Variants in NELL1 observed in about 807,000 individuals in gnomAD.
NELL1 encodes protein kinase C-binding protein NELL1.
A neutral mutation model predicts 107.4 loss-of-function variants in NELL1; 76 were observed. The ratio of observed to expected loss-of-function variants is 0.71; its 90% confidence interval spans 0.59 to 0.86. NELL1 has a LOEUF of 0.86. Among genes scored for constraint, NELL1 ranks in the 40% least tolerant of loss-of-function variants. The pLI, the probability that NELL1 is intolerant of heterozygous loss-of-function variation, is 0.00. For missense variants in NELL1, 1,024 were observed against 1,005.5 expected, an observed-to-expected ratio of 1.02 and a Z score of -0.25; for synonymous variants, 353 against 341.2, an observed-to-expected ratio of 1.03 and a Z score of -0.38.
At chr11:21,103,657 G>T (rs530646638) in intron 12 of NELL1, among the ~76,000 whole-genome samples, 1 of 152,246 alleles carries the variant, frequency 6.6e-6, no homozygotes, top group African/African-American at 2.4e-5. Flanking sequence ...AGCTTTGCTG[G>T]TAGTATTGCA....
intron 3 of NELL1, among the ~76,000 whole-genome samples, chr11:20,803,142 TTA>T (rs1293434312): frequency 6.6e-6 from 1 of 152,144 alleles, no homozygotes; most frequent in Non-Finnish European, 1.5e-5. Flanking sequence ...AGGATTGGTA[TTA>T]GTTTTTTTTA....
intron 15 of NELL1, among the ~76,000 whole-genome samples, chr11:21,392,458 T>A (rs1851900330): frequency 6.6e-6 from 1 of 151,808 alleles, no homozygotes; most frequent in Non-Finnish European, 1.5e-5. Flanking sequence ...AAAATTATGT[T>A]ACTTTTATCA....
chr11:21,427,146 C>A (rs760044733), intron 15 of NELL1, among the ~76,000 whole-genome samples: 1 of 152,130 alleles, frequency 6.6e-6, no homozygotes, highest in South Asian at 2.1e-4. Flanking sequence ...AGCTGTTAGG[C>A]ATCTCTGCAT....
chr11:20,892,945 AAAC>A (rs1360215668), intron 5 of NELL1, among the ~76,000 whole-genome samples: 6 of 152,004 alleles, frequency 3.9e-5, no homozygotes, highest in African/African-American at 1.5e-4. Context: ...AAAAAAAAAA[AAAC>A]AGACACATGT....
At chr11:21,408,007 T>G (rs550644943) in intron 15 of NELL1, among the ~76,000 whole-genome samples, 1 of 152,062 alleles carries the variant, frequency 6.6e-6, no homozygotes, top group South Asian at 2.1e-4. Flanking sequence ...AGAGCTTCCC[T>G]TTCTTTTATT....
intron 13 of NELL1, among the ~76,000 whole-genome samples, chr11:21,219,525 T>C (rs4923440): frequency 0.57 from 86,288 of 151,992 alleles, 24,580 homozygotes; most frequent in East Asian, 0.61. Flanking sequence ...CCTGTACTTT[T>C]GAAGTCTTAC....
At chr11:21,410,247 G>T (rs72964015) in intron 15 of NELL1, among the ~76,000 whole-genome samples, 26,137 of 152,010 alleles carry the variant, frequency 0.17, 2,806 homozygotes, top group East Asian at 0.27. Context: ...AATGTCTACA[G>T]TGCATCAAGT....
chr11:21,553,052 G>A (rs1356860599), intron 16 of NELL1, among the ~76,000 whole-genome samples: 2 of 151,852 alleles, frequency 1.3e-5, no homozygotes, highest in Admixed American at 1.3e-4. Flanking sequence ...TATTGACAAT[G>A]TTTTTAGACC....
At chr11:21,182,963 G>A (rs1273172908) in intron 13 of NELL1, among the ~76,000 whole-genome samples, 1 of 151,816 alleles carries the variant, frequency 6.6e-6, no homozygotes, top group African/African-American at 2.4e-5. Flanking sequence ...CAAACAAGAA[G>A]GATGAAGTCC....
intron 12 of NELL1, among the ~76,000 whole-genome samples, chr11:20,977,699 G>A (rs560475691): frequency 6.6e-6 from 1 of 152,218 alleles, no homozygotes; most frequent in Non-Finnish European, 1.5e-5. Flanking sequence ...AGATGTCAGA[G>A]ATTTTTGTCT....
At chr11:21,253,326 C>G (rs150271401) in intron 14 of NELL1, among the ~76,000 whole-genome samples, 2 of 151,978 alleles carry the variant, frequency 1.3e-5, no homozygotes, top group African/African-American at 2.4e-5. Flanking sequence ...GCTGTATATA[C>G]TAATACTGTA....
At chr11:21,033,048 T>C (rs902459094) in intron 12 of NELL1, among the ~76,000 whole-genome samples, 11 of 152,210 alleles carry the variant, frequency 7.2e-5, no homozygotes, top group African/African-American at 2.7e-4. Context: ...CATAATCCCA[T>C]GGTCTTTTGG....
intron 12 of NELL1, among the ~76,000 whole-genome samples, chr11:20,995,106 C>G (rs1445883835): frequency 6.6e-6 from 1 of 151,026 alleles, no homozygotes; most frequent in Non-Finnish European, 1.5e-5. Context: ...AGGCAGATAT[C>G]TAACAGACTT....
At chr11:20,786,243 G>C (rs148888114) in intron 3 of NELL1, among the ~76,000 whole-genome samples, 1 of 151,404 alleles carries the variant, frequency 6.6e-6, no homozygotes, top group South Asian at 2.1e-4. Flanking sequence ...CCAGCTACTC[G>C]GGAGGCTGAG....
Position 21,513,150 on chromosome 11 carries a change from T to G in NELL1, c.1646-21224T>G, listed in dbSNP as rs535775242. On this transcript the variant is annotated intron_variant, in intron 15 of 19. Transcript: ENST00000357134. The stretch of plus-strand genomic sequence containing the variant: ...TACTTGTCAATGCCAATCAGTCTAT[T>G]CCTGCTGTTCAATTAGGTTCTGATT... Among the ~76,000 whole-genome samples the G allele has an allele frequency of 1.3e-3, 196 of 152,302 alleles. 1 individual carries two copies. Among genetic ancestry groups the G allele is most frequent in the African/African-American group, 4.5e-3 (188 of 41,562 alleles).
rs74627369 is a variant in NELL1 at position 20,782,301 on chromosome 11, A to G, written c.185-1379A>G. Reference sequence around the variant, plus strand: ...CTACTATTGTGCAGGTAGGTTTTATACTGGTAGACTGGTCTGCCTGGGTTG... The same window carrying G: ...CTACTATTGTGCAGGTAGGTTTTATGCTGGTAGACTGGTCTGCCTGGGTTG... On this transcript the variant is annotated intron_variant, in intron 2 of 19. Coordinates refer to ENST00000357134, the MANE Select transcript of NELL1 (RefSeq NM_006157.5). 2.8e-3 allele frequency among the ~76,000 whole-genome samples: 433 copies of G among 152,334 alleles called. 4 individuals carry two copies. Among genetic ancestry groups the G allele is most frequent in the African/African-American group, 0.01 (420 of 41,572 alleles).
chr11:20,783,539 G>A (rs1856892144), intron 2 of NELL1, 141 bp from the exon 3 acceptor site: 1 of 590,436 alleles, frequency 1.7e-6, no homozygotes, highest in East Asian at 3.0e-5. Context: ...TGGATTCTTT[G>A]GACATGACAT....
At chr11:20,826,470 G>T (rs1196864627) in intron 3 of NELL1, among the ~76,000 whole-genome samples, 1 of 151,226 alleles carries the variant, frequency 6.6e-6, no homozygotes, top group Non-Finnish European at 1.5e-5. Context: ...ATTCTAGATG[G>T]CCGTGTGCTT....
intron 16 of NELL1, among the ~76,000 whole-genome samples, chr11:21,559,246 A>G (rs1473250555): frequency 6.6e-6 from 1 of 152,154 alleles, no homozygotes; most frequent in East Asian, 1.9e-4. Context: ...GGCCTCAGAC[A>G]CTAAGTATCA....
Sources: gnomAD v4.1 joint callset for allele counts (sites outside exome capture counted in the v4.1 genomes callset) on GRCh38, gnomAD v4.1.1 for gene constraint, MANE v1.5 for transcripts, NCBI Gene and HGNC (gene_info 2026-07-23, HGNC 2026-07-21) for gene names.